PHYHIPL: variants seen among roughly 807,000 people sequenced by gnomAD.
PHYHIPL encodes the protein phytanoyl-CoA 2-hydroxylase interacting protein like.
A neutral mutation model predicts 33.4 loss-of-function variants in PHYHIPL; 9 were observed. The observed-to-expected ratio is 0.27, with a 90% CI of 0.16 to 0.47. PHYHIPL has a LOEUF of 0.47. Among genes scored for constraint, PHYHIPL ranks in the 20% least tolerant of loss-of-function variants. The probability of loss-of-function intolerance (pLI) is 0.99; values close to 1 mark genes in which losing one functional copy is unlikely to be tolerated. For synonymous variants in PHYHIPL, 153 were observed against 154.1 expected (o/e 0.99, Z 0.05); for missense variants, 365 against 460.7 (o/e 0.79, Z 1.90).
At position 59,245,839 on chromosome 10, in the gene PHYHIPL, A is replaced by AGAT; in HGVS notation, c.*250_*252dup. 2.2e-6 allele frequency: 1 copy of AGAT among 448,028 alleles called. No individual in the cohort carries two copies. The highest frequency in any genetic ancestry group is 4.0e-6 in the Non-Finnish European group (1 of 252,186). The allele number at this position is 448,028 out of a possible 1,614,324, so 27.8% of individuals were successfully genotyped here. A position where few individuals can be genotyped will look rare whatever the true frequency, so the allele number is the denominator to read the frequency against. Reference sequence around the variant, plus strand: ...TTCTCCTTTTGACACTTTATTGCCTAGATGCTGCAATGTTTTTATGTTTCC... The same window carrying AGAT: ...TTCTCCTTTTGACACTTTATTGCCTAGATGATGCTGCAATGTTTTTATGTTTCC... On this transcript the variant is annotated 3_prime_UTR_variant, in exon 5 of 5. Transcript: ENST00000373880.
chr10:59,231,433 A>G (rs1209826245), intron 1 of PHYHIPL, among the ~76,000 whole-genome samples: 1 of 152,166 alleles, frequency 6.6e-6, no homozygotes, highest in African/African-American at 2.4e-5. Context: ...GTAAGAAAGC[A>G]GGAGTTGCCA....
rs1839779411 is a variant in PHYHIPL, at chr10:59,221,629, A to AT, written c.107-12674dup. On this transcript the variant is annotated intron_variant, in intron 1 of 4. Coordinates refer to ENST00000373880, the MANE Select transcript of PHYHIPL (RefSeq NM_032439.4). ...AAGCCTTAATTTTGTGCTGCTTCTC[A>AT]TGTCAGTGGAATCAGAATTTTGTGT... 3 of 967,982 alleles carry AT rather than the reference A, an allele frequency of 3.1e-6. No homozygotes were observed. In the South Asian group the frequency reaches 1.4e-4, roughly 46 times the overall value. 60.0% of individuals were successfully genotyped at this position (967,982 alleles called of 1,614,324 possible).
chr10:59,218,831 T>C (rs1000150792), intron 1 of PHYHIPL, among the ~76,000 whole-genome samples: 8 of 152,146 alleles, frequency 5.3e-5, no homozygotes, highest in African/African-American at 1.9e-4. Flanking sequence ...TGTTGGGCCC[T>C]GAATATTAAG....
chr10:59,192,656 A>G (rs1838812846), intron 1 of PHYHIPL, among the ~76,000 whole-genome samples: 1 of 152,138 alleles, frequency 6.6e-6, no homozygotes. Flanking sequence ...GATTTTTAAG[A>G]CAAGATAGAT....
intron 1 of PHYHIPL, among the ~76,000 whole-genome samples, chr10:59,209,586 C>G (rs1385849333): frequency 6.6e-6 from 1 of 152,086 alleles, no homozygotes; most frequent in African/African-American, 2.4e-5. Flanking sequence ...CAATATTAAC[C>G]TTAAATGTAA....
chr10:59,229,609 T>C (rs7905578), intron 1 of PHYHIPL, among the ~76,000 whole-genome samples: 33,203 of 151,982 alleles, frequency 0.22, 4,927 homozygotes, highest in African/African-American at 0.41. Flanking sequence ...TCGGGCAGCC[T>C]CCAGAATCAC....
chr10:59,201,645 C>T (rs187287690), intron 1 of PHYHIPL, among the ~76,000 whole-genome samples: 2 of 152,104 alleles, frequency 1.3e-5, no homozygotes, highest in Non-Finnish European at 1.5e-5. Flanking sequence ...GCTGTCAGTT[C>T]TTGGGCCAAT....
intron 1 of PHYHIPL, among the ~76,000 whole-genome samples, chr10:59,223,442 C>T (rs550638397): frequency 9.4e-4 from 143 of 152,210 alleles, no homozygotes; most frequent in Non-Finnish European, 1.7e-3. Context: ...ACCTCAGTCC[C>T]ACACCTTGTT....
chr10:59,204,722 C>T (rs1564707524), intron 1 of PHYHIPL, among the ~76,000 whole-genome samples: 1 of 152,054 alleles, frequency 6.6e-6, no homozygotes, highest in African/African-American at 2.4e-5. Context: ...GGAGTGCCAT[C>T]TCCACTATGC....
rs751267271 is a variant in PHYHIPL at position 59,232,416 on chromosome 10, A to G, written c.107-1888A>G. The stretch of plus-strand genomic sequence containing the variant: ...CCAATGGGAAAAATATAATTTGAGC[A>G]AAGGTTTTCGCTTATAATAACAGTA... On this transcript the variant is annotated intron_variant, in intron 1 of 4. Transcript: ENST00000373880. 8.7e-4 allele frequency among the ~76,000 whole-genome samples: 132 copies of G among 152,124 alleles called. 3 individuals carry two copies. The highest frequency in any genetic ancestry group is 1.3e-3 in the Non-Finnish European group (91 of 67,876).
chr10:59,189,193 C>A (rs1266884411), intron 1 of PHYHIPL, among the ~76,000 whole-genome samples: 1 of 151,892 alleles, frequency 6.6e-6, no homozygotes, highest in African/African-American at 2.4e-5. Context: ...CTGTAAATGA[C>A]CCTCTTATTT....
At chr10:59,241,132 T>G (rs142512379) in intron 4 of PHYHIPL, among the ~76,000 whole-genome samples, 94 of 152,248 alleles carry the variant, frequency 6.2e-4, no homozygotes, top group African/African-American at 2.2e-3. Flanking sequence ...TTAAGAAGCC[T>G]TATTAAAAAG....
intron 1 of PHYHIPL, among the ~76,000 whole-genome samples, chr10:59,219,635 A>T (rs2133255568): frequency 6.6e-6 from 1 of 152,278 alleles, no homozygotes; most frequent in Admixed American, 6.5e-5. Flanking sequence ...ATTTTATTTT[A>T]TGCAAGTACC....
intron 1 of PHYHIPL, among the ~76,000 whole-genome samples, chr10:59,204,340 G>A (rs548842585): frequency 6.6e-6 from 1 of 152,274 alleles, no homozygotes; most frequent in African/African-American, 2.4e-5. Flanking sequence ...TGAGGTGACA[G>A]TTCATAACCA....
At chr10:59,207,061 A>C (rs1459615684) in intron 1 of PHYHIPL, among the ~76,000 whole-genome samples, 1 of 152,214 alleles carries the variant, frequency 6.6e-6, no homozygotes, top group Non-Finnish European at 1.5e-5. Flanking sequence ...TAAGGTACAT[A>C]GCTAATGTAA....
intron 1 of PHYHIPL, among the ~76,000 whole-genome samples, chr10:59,193,794 A>C (rs1564703603): frequency 6.6e-6 from 1 of 152,014 alleles, no homozygotes; most frequent in Non-Finnish European, 1.5e-5. Context: ...ATCCAATGTT[A>C]ATTTATGTGG....
At chr10:59,201,364 G>A (rs1277795951) in intron 1 of PHYHIPL, among the ~76,000 whole-genome samples, 1 of 152,106 alleles carries the variant, frequency 6.6e-6, no homozygotes. Context: ...GTAGTTGAGT[G>A]GTTTTGAGTG....
intron 1 of PHYHIPL, among the ~76,000 whole-genome samples, chr10:59,187,600 C>T (rs2452520): frequency 0.25 from 38,195 of 151,768 alleles, 6,951 homozygotes; most frequent in African/African-American, 0.51. Flanking sequence ...GGTCCTGGAC[C>T]TTTTTTGGTT....
At chr10:59,177,592 T>A (rs1006843707) in intron 1 of PHYHIPL, 7 of 1,551,588 alleles carry the variant, frequency 4.5e-6, no homozygotes. Context: ...GCCTAATATA[T>A]GTGCTGTGAT....
Sources: allele counts gnomAD v4.1 joint callset (sites outside exome capture counted in the v4.1 genomes callset), GRCh38; gene constraint gnomAD v4.1.1; transcripts MANE v1.5; gene names NCBI Gene and HGNC (gene_info 2026-07-23, HGNC 2026-07-21).